The following HMCN2 variants were observed in gnomAD, a reference collection of about 807,000 sequenced individuals.
HMCN2 encodes hemicentin-2.
In HMCN2, 325 loss-of-function variants were observed where a neutral mutation model predicts 377.5. The ratio of observed to expected loss-of-function variants is 0.86; its 90% confidence interval spans 0.79 to 0.94. The LOEUF (loss-of-function observed/expected upper bound fraction) is 0.94. HMCN2 is among the 40% of genes least tolerant of loss of function. The pLI is 0.00. For missense variants in HMCN2, 4,543 were observed against 4,725.3 expected, an observed-to-expected ratio of 0.96 and a Z score of 1.13; for synonymous variants, 2,007 against 2,046.8, an observed-to-expected ratio of 0.98 and a Z score of 0.53.
chr9:130,396,428 G>A, intron 73 of HMCN2, 115 bp downstream of exon 73: 1 of 859,914 alleles, frequency 1.2e-6, no homozygotes, highest in East Asian at 6.5e-5. Flanking sequence ...TCAGGACGTG[G>A]GGTGTCTCAG....
At chr9:130,392,782 G>T (rs971319273) in intron 66 of HMCN2, among the ~76,000 whole-genome samples, 1 of 152,158 alleles carries the variant, frequency 6.6e-6, no homozygotes, top group Non-Finnish European at 1.5e-5. Flanking sequence ...AGATTACAAG[G>T]TCAGGAGATC....
At chr9:130,373,566 AGGATGGAT>A (rs199943504) in intron 48 of HMCN2, among the ~76,000 whole-genome samples, 2 of 102,992 alleles carry the variant, frequency 1.9e-5, no homozygotes, top group Non-Finnish European at 3.6e-5. Context: ...TATGGGTTGA[AGGATGGAT>A]GGATGGATGG....
chr9:130,330,552 G>A (rs1208222447), intron 22 of HMCN2, among the ~76,000 whole-genome samples: 1 of 152,040 alleles, frequency 6.6e-6, no homozygotes, highest in Non-Finnish European at 1.5e-5. Context: ...CACGCACAGG[G>A]ACACACGTAT....
Position 130,385,753 on chromosome 9 carries a change from G to C in HMCN2, c.9300G>C (p.Gln3100His). Residue 3100 changes from glutamine (Q) to histidine (H), a missense_variant, in exon 60 of 98, where the codon CAG becomes CAC. Physicochemically the swap from Gln to His is conservative, Grantham distance 24 (BLOSUM62 0). Around this residue, in one of 5 missense-constraint regions of HMCN2, gnomAD observed 736 missense variants for 773.2 expected, o/e 0.95. Coordinates refer to ENST00000683500, the MANE Select transcript of HMCN2 (RefSeq NM_001291815.2). ...GGGGTGGGCAGAGGCTGGAGATCCA[G>C]GAAGCCCAGGTGAGCAACCCTGGGG... is the stretch of plus-strand genomic sequence containing the variant. ...ALRGGQRLEIQEAQVSDKGLY... is the reference protein window; with the variant it reads ...ALRGGQRLEIHEAQVSDKGLY... 1 of 1,303,848 alleles carries C rather than the reference G, an allele frequency of 7.7e-7. No homozygotes were observed. The highest frequency in any genetic ancestry group is 1.0e-6 in the Non-Finnish European group (1 of 988,888). The allele number at this position is 1,303,848 out of a possible 1,614,324, so 80.8% of individuals were successfully genotyped here. A position where few individuals can be genotyped will look rare whatever the true frequency, so the allele number is the denominator to read the frequency against.
chr9:130,271,599 T>C (rs1834409955), intron 1 of HMCN2, among the ~76,000 whole-genome samples: 1 of 149,074 alleles, frequency 6.7e-6, no homozygotes, highest in South Asian at 2.1e-4. Context: ...GTTTTTGTTT[T>C]TGTTTTCGTT....
intron 1 of HMCN2, among the ~76,000 whole-genome samples, chr9:130,266,633 G>A (rs1421843449): frequency 1.3e-5 from 2 of 152,344 alleles, no homozygotes; most frequent in East Asian, 3.9e-4. Flanking sequence ...GGTCCACCAC[G>A]GACCCTGCAG....
chr9:130,421,582 G>A (rs986008985), intron 86 of HMCN2, among the ~76,000 whole-genome samples: 5 of 152,204 alleles, frequency 3.3e-5, no homozygotes, highest in East Asian at 1.9e-4. Context: ...AAAGCTGCGC[G>A]GGTCACACTC....
chr9:130,302,127 C>T (rs374953929), intron 8 of HMCN2, among the ~76,000 whole-genome samples: 2 of 151,440 alleles, frequency 1.3e-5, no homozygotes, highest in African/African-American at 2.4e-5. Flanking sequence ...CTGCAGTCTC[C>T]GCCTCCCGGA....
intron 85 of HMCN2, among the ~76,000 whole-genome samples, chr9:130,416,867 G>A (rs1370017150): frequency 1.3e-5 from 2 of 151,380 alleles, no homozygotes; most frequent in Non-Finnish European, 2.9e-5. Flanking sequence ...CTTAAAGTGA[G>A]CACATTATCT....
chr9:130,350,388 C>CAAAAAAAAAAAAA (rs1187309511), intron 29 of HMCN2, among the ~76,000 whole-genome samples: 1 of 89,692 alleles, frequency 1.1e-5, no homozygotes, highest in Non-Finnish European at 2.0e-5. Context: ...CAAAAAAATA[C>CAAAAAAAAAAAAA]AAAAAAAAAA....
intron 1 of HMCN2, among the ~76,000 whole-genome samples, chr9:130,278,052 TACC>T (rs1177301736): frequency 1.2e-5 from 1 of 83,636 alleles, no homozygotes; most frequent in Non-Finnish European, 2.6e-5. Context: ...CCATCATCAT[TACC>T]ACCACCACCA....
chr9:130,292,076 G>A (rs998261321), intron 4 of HMCN2, among the ~76,000 whole-genome samples: 16 of 150,120 alleles, frequency 1.1e-4, no homozygotes, highest in Admixed American at 1.0e-3. Context: ...CCAAAGGTCT[G>A]ATTTGATGAA....
At chr9:130,430,227 C>T (rs12005489) in intron 94 of HMCN2, 57 bp from the exon 95 acceptor site, 58,566 of 1,379,192 alleles carry the variant, frequency 0.042, 1,596 homozygotes, top group African/African-American at 0.13. Flanking sequence ...GCAATGGCTG[C>T]AGGCTGCAGG....
chr9:130,306,737 G>A (rs1554936919), intron 12 of HMCN2, 74 bp from the exon 13 acceptor site: 1 of 425,780 alleles, frequency 2.3e-6, no homozygotes, highest in African/African-American at 2.0e-5. Flanking sequence ...GGCATTGTTA[G>A]TGAATTTGTT....
Position 130,358,374 on chromosome 9 carries a change from G to T in HMCN2, c.5581-16G>T, listed in dbSNP as rs1002828807. 44 of 1,304,054 alleles carry T rather than the reference G, an allele frequency of 3.4e-5. No homozygotes were observed. The highest frequency in any genetic ancestry group is 4.3e-5 in the Non-Finnish European group (43 of 988,876). 80.8% of individuals were successfully genotyped at this position (1,304,054 alleles called of 1,614,324 possible). A position where few individuals can be genotyped will look rare whatever the true frequency, so the allele number is the denominator to read the frequency against. On this transcript the variant is annotated splice_polypyrimidine_tract_variant and intron_variant, in intron 35 of 97. Coordinates refer to ENST00000683500, the MANE Select transcript of HMCN2 (RefSeq NM_001291815.2). ...TGGACAGCCCTGTGGCATACTCTCT[G>T]CCCCCTCCCCTCCAGATTGAGAAGG... is the stretch of plus-strand genomic sequence containing the variant.
At chr9:130,285,901 G>A (rs1222180582) in intron 3 of HMCN2, among the ~76,000 whole-genome samples, 1 of 152,170 alleles carries the variant, frequency 6.6e-6, no homozygotes, top group Non-Finnish European at 1.5e-5. Context: ...GAGATGAGTC[G>A]ACTTCCACGC....
At chr9:130,395,371 G>A in intron 71 of HMCN2, 24 bp downstream of exon 71, 1 of 1,277,826 alleles carries the variant, frequency 7.8e-7, no homozygotes, top group Non-Finnish European at 1.0e-6. Flanking sequence ...AGGGCCCCAG[G>A]GTGCTGCCTT....
rs1554935069 is a variant in HMCN2 at position 130,302,930 on chromosome 9, G to A, written c.1350G>A (p.Val450=). The A allele has an allele frequency of 6.4e-6, 3 of 470,996 alleles. No individual in the cohort carries two copies. Among genetic ancestry groups the A allele is most frequent in the South Asian group, 1.5e-5 (1 of 64,548 alleles). 29.2% of individuals were successfully genotyped at this position (470,996 alleles called of 1,614,324 possible). A position where few individuals can be genotyped will look rare whatever the true frequency, so the allele number is the denominator to read the frequency against. Residue 450 remains valine (V), a synonymous_variant, in exon 9 of 98, where the codon GTG becomes GTA. Transcript: ENST00000683500. The part of the protein sequence containing the change: ...LHQPLLVSCS[V]HSALPFRLQL... ...AGCCCCTGCTGGTCTCCTGCTCGGT[G>A]CACAGTGCCCTTCCCTTCCGGCTGC...
At chr9:130,290,085 T>G (rs1835670038) in intron 4 of HMCN2, among the ~76,000 whole-genome samples, 1 of 152,184 alleles carries the variant, frequency 6.6e-6, no homozygotes, top group Non-Finnish European at 1.5e-5. Context: ...TGAGCCCCAG[T>G]GCATCGCAGG....
Sources: allele counts gnomAD v4.1 joint callset (sites outside exome capture counted in the v4.1 genomes callset), GRCh38; gene constraint gnomAD v4.1.1; regional missense constraint gnomAD v4.1.1; transcripts MANE v1.5; gene names NCBI Gene and HGNC (gene_info 2026-07-23, HGNC 2026-07-21).